Variants in ANKRD45 observed in about 807,000 individuals in gnomAD.
The protein encoded by ANKRD45 is ankyrin repeat domain 45.
ANKRD45 carries 21 observed loss-of-function variants against 28.1 expected under a neutral mutation model. The ratio of observed to expected loss-of-function variants is 0.75; its 90% CI spans 0.53 to 1.08. The LOEUF is 1.08. Ranked by LOEUF, ANKRD45 falls within the 50% of genes least tolerant of loss-of-function variation. The pLI is 0.00. For synonymous variants in ANKRD45, 86 were observed against 103.9 expected, an observed-to-expected ratio of 0.83 and a Z score of 1.05; for missense variants, 261 against 308.7, an observed-to-expected ratio of 0.85 and a Z score of 1.16.
chr1:173,695,628 T>G, the ANKRD45 span, among the ~76,000 whole-genome samples: 1 of 152,218 alleles, frequency 6.6e-6, no homozygotes, highest in African/African-American at 2.4e-5. Context: ...GTTGATTCCA[T>G]GTCTCTGCTA....
intron 1 of ANKRD45, among the ~76,000 whole-genome samples, chr1:173,665,855 A>G (rs1669993947): frequency 6.6e-6 from 1 of 151,928 alleles, no homozygotes; most frequent in Non-Finnish European, 1.5e-5. Context: ...CAAAAAATAC[A>G]GAAAAAAAAA....
chr1:173,613,637 G>A (rs1204764759), intron 5 of ANKRD45, among the ~76,000 whole-genome samples: 93 of 146,920 alleles, frequency 6.3e-4, no homozygotes, highest in Middle Eastern at 3.8e-3. Context: ...TGCCCCGTCC[G>A]GGAGGGAGGA....
At chr1:173,611,987 T>C (rs1466177743) in intron 5 of ANKRD45, among the ~76,000 whole-genome samples, 1 of 152,184 alleles carries the variant, frequency 6.6e-6, no homozygotes, top group Non-Finnish European at 1.5e-5. Flanking sequence ...CTCACACCTG[T>C]AATTCCAGCA....
intron 5 of ANKRD45, among the ~76,000 whole-genome samples, chr1:173,610,485 C>T (rs1433321959): frequency 6.6e-6 from 1 of 152,166 alleles, no homozygotes; most frequent in Non-Finnish European, 1.5e-5. Flanking sequence ...ACCGCTAAAC[C>T]TCTGTTGTCT....
At chr1:173,703,260 G>A in the ANKRD45 span, among the ~76,000 whole-genome samples, 1 of 150,692 alleles carries the variant, frequency 6.6e-6, no homozygotes, top group African/African-American at 2.4e-5. Flanking sequence ...CTGGAGTGCA[G>A]TGACACGATC....
chr1:173,669,829 C>T lies in ANKRD45; in HGVS notation c.-28G>A, dbSNP rs1458627715. On this transcript the variant is annotated 5_prime_UTR_variant, in exon 1 of 6. Coordinates refer to ENST00000333279, the MANE Select transcript of ANKRD45 (RefSeq NM_198493.3). ...CCCCTAGACTCACCACACCCGGGCC[C>T]CGGCCTCCTCGGTTACCATAGCAAC... 1.2e-5 allele frequency: 2 copies of T among 170,552 alleles called. No individual in the cohort carries two copies. Among genetic ancestry groups the T allele is most frequent in the African/African-American group, 4.8e-5 (2 of 41,580 alleles). The allele number at this position is 170,552 out of a possible 1,614,324, so 10.6% of individuals were successfully genotyped here. A position where few individuals can be genotyped will look rare whatever the true frequency, so the allele number is the denominator to read the frequency against.
chr1:173,661,805 T>G (rs964073529), intron 1 of ANKRD45, among the ~76,000 whole-genome samples: 2 of 152,184 alleles, frequency 1.3e-5, no homozygotes, highest in African/African-American at 4.8e-5. Flanking sequence ...TCATGAAGCA[T>G]ATATTCTGAT....
chr1:173,624,404 T>G (rs1422553101), intron 5 of ANKRD45, among the ~76,000 whole-genome samples: 4 of 151,850 alleles, frequency 2.6e-5, no homozygotes, highest in African/African-American at 9.7e-5. Context: ...GGAGTATCAC[T>G]TGAGCTCAGG....
chr1:173,667,820 A>C (rs1670090832), intron 1 of ANKRD45: 1 of 349,966 alleles, frequency 2.9e-6, no homozygotes, highest in South Asian at 2.4e-5. Context: ...TTCCAACTAT[A>C]TATCTATGTA....
At chr1:173,624,151 T>A (rs947010560) in intron 5 of ANKRD45, among the ~76,000 whole-genome samples, 1 of 151,906 alleles carries the variant, frequency 6.6e-6, no homozygotes, top group Admixed American at 6.6e-5. Flanking sequence ...TAAAATAAAA[T>A]GTTGCCACCC....
At chr1:173,653,698 T>C (rs980756572) in intron 2 of ANKRD45, among the ~76,000 whole-genome samples, 3 of 152,152 alleles carry the variant, frequency 2.0e-5, no homozygotes, top group Non-Finnish European at 4.4e-5. Flanking sequence ...GACAGTGGGG[T>C]GTTAAAGTCT....
At chr1:173,713,237 T>C in the ANKRD45 span, among the ~76,000 whole-genome samples, 1 of 152,182 alleles carries the variant, frequency 6.6e-6, no homozygotes, top group African/African-American at 2.4e-5. Context: ...TGAAATCGCC[T>C]TTGCAAACTG....
intron 3 of ANKRD45, chr1:173,637,197 T>C (rs543739975): frequency 1.0e-5 from 6 of 572,416 alleles, no homozygotes; most frequent in African/African-American, 5.7e-5. Flanking sequence ...TTACTTCCCA[T>C]TCAATTAAAA....
the ANKRD45 span, among the ~76,000 whole-genome samples, chr1:173,696,488 T>C: frequency 7.9e-5 from 12 of 152,332 alleles, no homozygotes; most frequent in African/African-American, 2.6e-4. Flanking sequence ...ATCATCTGCT[T>C]AGGGCTAGCC....
intron 3 of ANKRD45, among the ~76,000 whole-genome samples, chr1:173,644,670 T>C (rs1290073036): frequency 4.6e-5 from 7 of 152,092 alleles, no homozygotes; most frequent in African/African-American, 1.7e-4. Context: ...TTTTAAGTAC[T>C]ATGGGTCATT....
chr1:173,683,770 G>A, the ANKRD45 span, among the ~76,000 whole-genome samples: 303 of 152,266 alleles, frequency 2.0e-3, 1 homozygote, highest in African/African-American at 6.9e-3. Flanking sequence ...TGCCCAGGGC[G>A]GTGTTATATA....
rs1445830390 is a variant in ANKRD45, at chr1:173,613,572, C to CCG, written c.731-3358_731-3357insCG. 7.1e-4 allele frequency among the ~76,000 whole-genome samples: 103 copies of CCG among 145,574 alleles called. 2 individuals carry two copies. The highest frequency in any genetic ancestry group is 1.3e-3 in the Non-Finnish European group (84 of 66,796). The stretch of plus-strand genomic sequence containing the variant: ...GGAGGTGGGGGGTCAGCCCCCCCCC[C>CCG]GGCCAGCCGCCCCGTCCGGGAGGGA... On this transcript the variant is annotated intron_variant, in intron 5 of 5. Transcript: ENST00000333279.
At chr1:173,702,293 A>G in the ANKRD45 span, among the ~76,000 whole-genome samples, 1 of 152,222 alleles carries the variant, frequency 6.6e-6, no homozygotes, top group Admixed American at 6.5e-5. Context: ...GGCTTAGACA[A>G]CTAGAGGTAG....
At chr1:173,661,048 T>TTA (rs146552034) in intron 1 of ANKRD45, among the ~76,000 whole-genome samples, 13 of 151,830 alleles carry the variant, frequency 8.6e-5, no homozygotes, top group East Asian at 5.8e-4. Context: ...ATCCAAAAGA[T>TTA]TATATATATA....
Sources: allele counts gnomAD v4.1 joint callset (sites outside exome capture counted in the v4.1 genomes callset), GRCh38; gene constraint gnomAD v4.1.1; transcripts MANE v1.5; gene names NCBI Gene and HGNC (gene_info 2026-07-23, HGNC 2026-07-21).